Variants in COL9A2 observed in about 807,000 individuals in gnomAD.
COL9A2 encodes the protein collagen type IX alpha 2 chain.
COL9A2 carries 66 observed loss-of-function variants against 111.6 expected under a neutral mutation model. The observed-to-expected ratio is 0.59, with a 90% CI of 0.48 to 0.73. The LOEUF (loss-of-function observed/expected upper bound fraction) is 0.73. Ranked by LOEUF, COL9A2 falls within the 30% of genes least tolerant of loss-of-function variation. The probability of loss-of-function intolerance (pLI) is 0.00; values close to 1 mark genes in which losing one functional copy is unlikely to be tolerated. For synonymous variants in COL9A2, 353 were observed against 364.1 expected (o/e 0.97, Z 0.35); for missense variants, 881 against 954.1 (o/e 0.92, Z 1.01).
rs144077383 is a variant in COL9A2, at chr1:40,311,594, G to A, written c.472-47C>T. On this transcript the variant is annotated intron_variant, in intron 9 of 31. Transcript: ENST00000372748. This position sits in a 1 kb window ranked among gnomAD's most constrained non-coding sequence, Gnocchi z 5.1. The stretch of plus-strand genomic sequence containing the variant: ...GAGCTTGGCCTGACCCTTTCCCGCC[G>A]CAGGCTTGCTCAAAGACCCTTCTCC... 3.1e-4 allele frequency: 493 copies of A among 1,613,494 alleles called. 3 individuals are homozygous for A. The East Asian group carries it at 8.3e-3, about 27-fold the overall frequency.
chr1:40,314,469 C>T lies in COL9A2; in HGVS notation c.151-82G>A. Reference sequence around the variant, plus strand: ...CACACACAGGCCCTGGCAGGCCGCTCCCAAAGGCTCTCCTCACTCTCCTCT... The same window carrying T: ...CACACACAGGCCCTGGCAGGCCGCTTCCAAAGGCTCTCCTCACTCTCCTCT... On this transcript the variant is annotated intron_variant, in intron 2 of 31. Coordinates refer to ENST00000372748, the MANE Select transcript of COL9A2 (RefSeq NM_001852.4). This position sits in a 1 kb window ranked among gnomAD's most constrained non-coding sequence, Gnocchi z 4.1. 3.3e-6 allele frequency: 5 copies of T among 1,531,598 alleles called. No homozygotes were observed. Among genetic ancestry groups the T allele is most frequent in the Non-Finnish European group, 3.6e-6 (4 of 1,105,414 alleles). The allele number at this position is 1,531,598 out of a possible 1,614,324, so 94.9% of individuals were successfully genotyped here. A position where few individuals can be genotyped will look rare whatever the true frequency, so the allele number is the denominator to read the frequency against.
rs1163052321 is a variant in COL9A2, at chr1:40,314,411, C to T, written c.151-24G>A. The stretch of plus-strand genomic sequence containing the variant: ...CCCTGCAAGATACAAGTTGGTGAGA[C>T]AGCACACTACGGCTCACACTACCCC... On this transcript the variant is annotated intron_variant, in intron 2 of 31. Transcript: ENST00000372748. The surrounding 1 kb of genome is among the most constrained non-coding windows in gnomAD (Gnocchi z 4.1). 6.2e-7 allele frequency: 1 copy of T among 1,614,056 alleles called. No individual in the cohort carries two copies. The highest frequency in any genetic ancestry group is 8.5e-7 in the Non-Finnish European group (1 of 1,180,052).
intron 24 of COL9A2, 49 bp downstream of exon 24, chr1:40,304,271 C>G (rs763433930): frequency 6.5e-6 from 10 of 1,546,670 alleles, no homozygotes; most frequent in Non-Finnish European, 8.8e-6. Context: ...ACCCCACTCC[C>G]CCTGTTATAG....
rs922041083 is a variant in COL9A2 at position 40,317,165 on chromosome 1, G to C, written c.33C>G (p.Leu11=). ...GCACTACCACCTGGAGGAGAACAAGGAGGCTGCGGGGGGAGGCCGTAGCGG... is the reference window on the plus strand; with the variant it reads ...GCACTACCACCTGGAGGAGAACAAGCAGGCTGCGGGGGGAGGCCGTAGCGG... MAAATASPRS[L]LVLLQVVVLA... is the part of the protein sequence containing the mutation. The change falls in exon 1 of 32, where the codon CTC becomes CTG. Residue 11 remains leucine (L), a synonymous_variant. Coordinates refer to ENST00000372748, the MANE Select transcript of COL9A2 (RefSeq NM_001852.4). This position sits in a 1 kb window ranked among gnomAD's most constrained non-coding sequence, Gnocchi z 4.3. 14 of 1,589,662 alleles carry C rather than the reference G, an allele frequency of 8.8e-6. No individual in the cohort carries two copies. The highest frequency in any genetic ancestry group is 1.2e-5 in the Non-Finnish European group (14 of 1,168,354).
At chr1:40,306,404 A>G (rs1403698949) in intron 19 of COL9A2, among the ~76,000 whole-genome samples, 1 of 152,236 alleles carries the variant, frequency 6.6e-6, no homozygotes, top group African/African-American at 2.4e-5. Flanking sequence ...CCTGGGGTCT[A>G]CGTGGAAGAG....
At position 40,310,783 on chromosome 1, in the gene COL9A2, G is replaced by T; in HGVS notation, c.631-16C>A. 6.4e-7 allele frequency: 1 copy of T among 1,556,994 alleles called. No individual in the cohort carries two copies. Among genetic ancestry groups the T allele is most frequent in the South Asian group, 1.2e-5 (1 of 84,418 alleles). On this transcript the variant is annotated splice_polypyrimidine_tract_variant and intron_variant, in intron 12 of 31. Transcript: ENST00000372748. The surrounding 1 kb of genome is among the most constrained non-coding windows in gnomAD (Gnocchi z 4.9). ...CCTTGGGACCCTAAAGGGCAGGGAT[G>T]AGCTGTCAGACAGGCAGGCAGATGG...
At position 40,311,678 on chromosome 1, in the gene COL9A2, C is replaced by T. The variant is rs763798270; in HGVS notation, c.455G>A (p.Gly152Glu). The change falls in exon 9 of 32, where the codon GGA becomes GAA. Residue 152 changes from glycine to glutamate, a missense_variant. Coordinates refer to ENST00000372748, the MANE Select transcript of COL9A2 (RefSeq NM_001852.4). The surrounding 1 kb of genome is among the most constrained non-coding windows in gnomAD (Gnocchi z 5.1). Reference protein sequence around the residue: ...PGPDGPSGPPGPPGKPGRPGT... With the variant: ...PGPDGPSGPPEPPGKPGRPGT... ...GACACTTACAGGTTTCCCAGGGGGT[C>T]CTGGGGGCCCCGATGGTCCATCTGG... 6.2e-7 allele frequency: 1 copy of T among 1,614,054 alleles called. No individual in the cohort carries two copies. Among genetic ancestry groups the T allele is most frequent in the Non-Finnish European group, 8.5e-7 (1 of 1,179,974 alleles).
In COL9A2 at chr1:40,311,509, C is replaced by T. The variant is rs1044756772; in HGVS notation, c.510G>A (p.Ala170=). The T allele has an allele frequency of 9.3e-6, 15 of 1,613,726 alleles. No individual in the cohort carries two copies. The highest frequency in any genetic ancestry group is 2.2e-5 in the South Asian group (2 of 91,060). The change falls in exon 10 of 32, where the codon GCG becomes GCA. Residue 170 remains alanine, a synonymous_variant. Coordinates refer to ENST00000372748, the MANE Select transcript of COL9A2 (RefSeq NM_001852.4). The surrounding 1 kb of genome is among the most constrained non-coding windows in gnomAD (Gnocchi z 5.1). ...PGTIQGLEGS[A]DFLCPTNCPP... ...AGACCTCGTCTCTCACCAGGAAATC[C>T]GCACTGCCTTCCAGACCCTGGATGG...
At position 40,311,688 on chromosome 1, in the gene COL9A2, C is replaced by T. The variant is rs1644130874; in HGVS notation, c.445G>A (p.Gly149Arg). The T allele has an allele frequency of 6.2e-7, 1 of 1,613,924 alleles. No individual in the cohort carries two copies. Among genetic ancestry groups the T allele is most frequent in the South Asian group, 1.1e-5 (1 of 91,084 alleles). Reference sequence around the variant, plus strand: ...GGTTTCCCAGGGGGTCCTGGGGGCCCCGATGGTCCATCTGGTCCAGGGTCC... The same window carrying T: ...GGTTTCCCAGGGGGTCCTGGGGGCCTCGATGGTCCATCTGGTCCAGGGTCC... ...KGDPGPDGPS[G>R]PPGPPGKPGR... Residue 149 changes from glycine to arginine, a missense_variant, in exon 9 of 32, where the codon GGG becomes AGG. Transcript: ENST00000372748. The surrounding 1 kb of genome is among the most constrained non-coding windows in gnomAD (Gnocchi z 5.1).
chr1:40,317,083 G>T lies in COL9A2; in HGVS notation c.75+40C>A. ...TCCTCCATCCCGGACTCCAGACCCCGCACCCTGGACCCTGGCAGCGGAGGG... is the reference window on the plus strand; with the variant it reads ...TCCTCCATCCCGGACTCCAGACCCCTCACCCTGGACCCTGGCAGCGGAGGG... On this transcript the variant is annotated intron_variant, in intron 1 of 31. Transcript: ENST00000372748. This position sits in a 1 kb window ranked among gnomAD's most constrained non-coding sequence, Gnocchi z 4.3. 1.9e-6 allele frequency: 3 copies of T among 1,541,916 alleles called. No homozygotes were observed. The highest frequency in any genetic ancestry group is 3.4e-4 in the Middle Eastern group (2 of 5,952).
chr1:40,317,016 C>T lies in COL9A2; in HGVS notation c.75+107G>A, dbSNP rs1644229967. ...CCGCGGCGCTGTCCTCAGGTGGCCT[C>T]TCGGGCTAGGGGTGTCAGTAGGCGC... is the stretch of plus-strand genomic sequence containing the variant. On this transcript the variant is annotated intron_variant, in intron 1 of 31. Transcript: ENST00000372748. This position sits in a 1 kb window ranked among gnomAD's most constrained non-coding sequence, Gnocchi z 4.3. 3.4e-6 allele frequency: 4 copies of T among 1,188,550 alleles called. No individual in the cohort carries two copies. Among genetic ancestry groups the T allele is most frequent in the Non-Finnish European group, 4.9e-6 (4 of 817,284 alleles). The allele number at this position is 1,188,550 out of a possible 1,614,324, so 73.6% of individuals were successfully genotyped here.
chr1:40,304,207 C>T lies in COL9A2; in HGVS notation c.1288-108G>A, dbSNP rs1452152406. The T allele has an allele frequency of 3.9e-6, 6 of 1,524,534 alleles. No homozygotes were observed. In the African/African-American group the frequency reaches 8.3e-5, roughly 21 times the overall value. 94.4% of individuals were successfully genotyped at this position (1,524,534 alleles called of 1,614,324 possible). ...TCCAACTCCGCCTCGCCGACCAGAC[C>T]AGAACCCTGAGATCCGCAGGTTTGG... On this transcript the variant is annotated intron_variant, in intron 24 of 31. Coordinates refer to ENST00000372748, the MANE Select transcript of COL9A2 (RefSeq NM_001852.4).
Position 40,312,700 on chromosome 1 carries a change from G to T in COL9A2, c.303+31C>A. Reference sequence around the variant, plus strand: ...CACTCCCAAACGCTGGCCCTAGATTGCCCACGCTGAGGCCCCAGCAGGCCC... The same window carrying T: ...CACTCCCAAACGCTGGCCCTAGATTTCCCACGCTGAGGCCCCAGCAGGCCC... On this transcript the variant is annotated intron_variant, in intron 5 of 31. Coordinates refer to ENST00000372748, the MANE Select transcript of COL9A2 (RefSeq NM_001852.4). The surrounding 1 kb of genome is among the most constrained non-coding windows in gnomAD (Gnocchi z 6.0). 1.3e-6 allele frequency: 2 copies of T among 1,572,344 alleles called. No individual in the cohort carries two copies. Among genetic ancestry groups the T allele is most frequent in the Non-Finnish European group, 1.7e-6 (2 of 1,157,538 alleles).
Position 40,303,575 on chromosome 1 carries a change from G to A in COL9A2, c.1503C>T (p.Ala501=). 2 of 1,610,420 alleles carry A rather than the reference G, an allele frequency of 1.2e-6. No homozygotes were observed. Among genetic ancestry groups the A allele is most frequent in the Non-Finnish European group, 1.7e-6 (2 of 1,179,004 alleles). Reference sequence around the variant, plus strand: ...GCTGTCCTGGCACGCCTCGGTTCCCGGCCAGTCCTCGAGGGCCGGGGGGAC... The same window carrying A: ...GCTGTCCTGGCACGCCTCGGTTCCCAGCCAGTCCTCGAGGGCCGGGGGGAC... ...YPGPPGPRGL[A]GNRGVPGQPG... The change falls in exon 28 of 32, where the codon GCC becomes GCT. Residue 501 remains alanine (A), a synonymous_variant. Transcript: ENST00000372748. The surrounding 1 kb of genome is among the most constrained non-coding windows in gnomAD (Gnocchi z 4.6).
chr1:40,307,860 G>T lies in COL9A2; in HGVS notation c.901-104C>A. On this transcript the variant is annotated intron_variant, in intron 17 of 31. Transcript: ENST00000372748. This position sits in a 1 kb window ranked among gnomAD's most constrained non-coding sequence, Gnocchi z 4.8. ...GACAGCTGCAGTGTGCAGGGAGGGA[G>T]TGGCTCTGGTCATCCCAGGAAGCCC... 1 of 1,271,496 alleles carries T rather than the reference G, an allele frequency of 7.9e-7. No homozygotes were observed. Among genetic ancestry groups the T allele is most frequent in the Non-Finnish European group, 1.1e-6 (1 of 884,206 alleles). 78.8% of individuals were successfully genotyped at this position (1,271,496 alleles called of 1,614,324 possible). A position where few individuals can be genotyped will look rare whatever the true frequency, so the allele number is the denominator to read the frequency against.
In COL9A2 at chr1:40,302,988, C is replaced by T. The variant is rs918697717; in HGVS notation, c.1603+143G>A. Reference sequence around the variant, plus strand: ...AGGCCCAGAGTGACTTATTCAAGGTCCCAAAACCCTTCAGAGACTGGACTG... The same window carrying T: ...AGGCCCAGAGTGACTTATTCAAGGTTCCAAAACCCTTCAGAGACTGGACTG... On this transcript the variant is annotated intron_variant, in intron 29 of 31. Transcript: ENST00000372748. The surrounding 1 kb of genome is among the most constrained non-coding windows in gnomAD (Gnocchi z 4.5). 13 of 1,097,450 alleles carry T rather than the reference C, an allele frequency of 1.2e-5. No homozygotes were observed. The highest frequency in any genetic ancestry group is 1.6e-5 in the Non-Finnish European group (12 of 744,734). The allele number at this position is 1,097,450 out of a possible 1,614,324, so 68.0% of individuals were successfully genotyped here.
At chr1:40,315,437 G>A (rs1490884854) in intron 2 of COL9A2, 153 bp downstream of exon 2, 1 of 1,441,108 alleles carries the variant, frequency 6.9e-7, no homozygotes, top group South Asian at 1.5e-5. Flanking sequence ...CAGAACAAAC[G>A]GCGTCCTTGT....
chr1:40,315,706 A>C (rs1464674871), intron 1 of COL9A2, 42 bp from the exon 2 acceptor site: 1 of 1,464,372 alleles, frequency 6.8e-7, no homozygotes, highest in Admixed American at 2.3e-5. Context: ...CAGACAGTGC[A>C]GGAAGCTGGG....
chr1:40,316,755 GC>G lies in COL9A2; in HGVS notation c.75+367del, dbSNP rs1346292038. The G allele has an allele frequency of 3.3e-5, 12 of 363,804 alleles. No individual in the cohort carries two copies. In the Admixed American group the frequency reaches 3.6e-4, roughly 11 times the overall value. The allele number at this position is 363,804 out of a possible 1,614,324, so 22.5% of individuals were successfully genotyped here. A position where few individuals can be genotyped will look rare whatever the true frequency, so the allele number is the denominator to read the frequency against. ...ACAGCGGCGTCTGGTTGGAGCCGGC[GC>G]CCCCTGGGAGGCGGCGGGGGCGGAG... On this transcript the variant is annotated intron_variant, in intron 1 of 31. Transcript: ENST00000372748. This position sits in a 1 kb window ranked among gnomAD's most constrained non-coding sequence, Gnocchi z 5.5.
Sources: allele counts gnomAD v4.1 joint callset (sites outside exome capture counted in the v4.1 genomes callset), GRCh38; gene constraint gnomAD v4.1.1; non-coding constraint Gnocchi (gnomAD v3.1); transcripts MANE v1.5; gene names NCBI Gene and HGNC (gene_info 2026-07-23, HGNC 2026-07-21).